The following CDH18 variants were observed in gnomAD, a reference collection of about 807,000 sequenced individuals.
CDH18 encodes cadherin-18.
CDH18 carries 31 observed loss-of-function variants against 67.9 expected under a neutral mutation model. That is an observed-to-expected ratio of 0.46 (90% CI 0.34 to 0.62). CDH18 has a LOEUF of 0.62. Among genes scored for constraint, CDH18 ranks in the 20% least tolerant of loss-of-function variants. CDH18 has a pLI of 0.01. For synonymous variants in CDH18, 362 were observed against 347.2 expected (o/e 1.04, Z -0.48); for missense variants, 890 against 975.5 (o/e 0.91, Z 1.17).
At chr5:20,448,945 G>C (rs556132249) in intron 1 of CDH18, among the ~76,000 whole-genome samples, 1 of 152,044 alleles carries the variant, frequency 6.6e-6, no homozygotes, top group South Asian at 2.1e-4. Flanking sequence ...TTGAGAACTT[G>C]AGTAAAAAGC....
At position 19,948,568 on chromosome 5, in the gene CDH18, G is replaced by A. The variant is rs572166809; in HGVS notation, c.-257+32492C>T. 1.6e-4 allele frequency among the ~76,000 whole-genome samples: 25 copies of A among 152,270 alleles called. 1 individual carries two copies. Among genetic ancestry groups the A allele is most frequent in the African/African-American group, 5.8e-4 (24 of 41,560 alleles). ...TTAGTGCAGCACAAGGGAGGCTTGT[G>A]CTAGGGCAGTTCTGCATCTTGATTG... On this transcript the variant is annotated intron_variant, in intron 2 of 12. Coordinates refer to ENST00000382275, the MANE Select transcript of CDH18 (RefSeq NM_004934.5).
At chr5:20,225,442 C>A (rs945853716) in intron 2 of CDH18, among the ~76,000 whole-genome samples, 9 of 152,094 alleles carry the variant, frequency 5.9e-5, no homozygotes, top group African/African-American at 1.9e-4. Flanking sequence ...AAGACCTTTA[C>A]GTTTAAATAA....
intron 2 of CDH18, among the ~76,000 whole-genome samples, chr5:20,046,472 T>A (rs531856672): frequency 6.6e-6 from 1 of 151,742 alleles, no homozygotes; most frequent in East Asian, 1.9e-4. Context: ...CAGAAATAGG[T>A]ATTTGAAAAA....
intron 5 of CDH18, among the ~76,000 whole-genome samples, chr5:19,658,168 T>C (rs562519670): frequency 6.6e-6 from 1 of 152,248 alleles, no homozygotes; most frequent in South Asian, 2.1e-4. Context: ...TTTTAAAATT[T>C]AGCAGCTATA....
intron 2 of CDH18, among the ~76,000 whole-genome samples, chr5:19,907,118 A>T (rs1790623846): frequency 6.6e-6 from 1 of 152,044 alleles, no homozygotes; most frequent in Admixed American, 6.6e-5. Context: ...TCTTTGTGGC[A>T]ACCATTATAT....
chr5:19,668,832 TCATC>T (rs1267995612), intron 5 of CDH18, among the ~76,000 whole-genome samples: 1 of 152,058 alleles, frequency 6.6e-6, no homozygotes, highest in Non-Finnish European at 1.5e-5. Flanking sequence ...TGTTAACACT[TCATC>T]CACAGAAACA....
rs1251256273 is a variant in CDH18 at position 20,565,591 on chromosome 5, G to A, written c.-580+9871C>T. Among the ~76,000 whole-genome samples the A allele has an allele frequency of 4.0e-5, 6 of 151,756 alleles. No individual in the cohort carries two copies. The South Asian group carries it at 8.3e-4, about 21-fold the overall frequency. Reference sequence around the variant, plus strand: ...TTAAATTGGTGCTTGAAATATTCTGGTACTCTCATCTTTACTTATTTCTTA... The same window carrying A: ...TTAAATTGGTGCTTGAAATATTCTGATACTCTCATCTTTACTTATTTCTTA... On this transcript the variant is annotated intron_variant, in intron 1 of 14. Transcript: ENST00000507958.
At chr5:20,073,660 T>C (rs1743680171) in intron 2 of CDH18, among the ~76,000 whole-genome samples, 1 of 152,052 alleles carries the variant, frequency 6.6e-6, no homozygotes, top group Non-Finnish European at 1.5e-5. Flanking sequence ...ACAGTACTAC[T>C]GGCATTGTGT....
At chr5:20,125,152 A>G (rs936280791) in intron 2 of CDH18, among the ~76,000 whole-genome samples, 1 of 152,222 alleles carries the variant, frequency 6.6e-6, no homozygotes, top group African/African-American at 2.4e-5. Context: ...CCTACAACAC[A>G]TCTGCATACA....
intron 4 of CDH18, among the ~76,000 whole-genome samples, chr5:19,734,798 T>C (rs1184829038): frequency 6.6e-6 from 1 of 152,218 alleles, no homozygotes; most frequent in Non-Finnish European, 1.5e-5. Flanking sequence ...TATCTTATTA[T>C]TGTGGTTTCT....
At chr5:19,556,913 A>G (rs912508697) in intron 8 of CDH18, among the ~76,000 whole-genome samples, 2 of 152,178 alleles carry the variant, frequency 1.3e-5, no homozygotes, top group Non-Finnish European at 1.5e-5. Context: ...TCTATAAAGG[A>G]AAACGTATCA....
intron 3 of CDH18, among the ~76,000 whole-genome samples, chr5:19,810,062 G>A (rs1778477228): frequency 6.6e-6 from 1 of 152,286 alleles, no homozygotes; most frequent in Middle Eastern, 3.4e-3. Context: ...TGGTGAGGTG[G>A]CTCCTGCCTG....
chr5:20,449,404 A>G (rs896931699), intron 1 of CDH18, among the ~76,000 whole-genome samples: 19 of 152,110 alleles, frequency 1.2e-4, no homozygotes, highest in African/African-American at 4.6e-4. Flanking sequence ...ATTTGAGAAT[A>G]TAAGACTAAA....
At chr5:20,207,079 C>T (rs1181674151) in intron 2 of CDH18, among the ~76,000 whole-genome samples, 2 of 150,784 alleles carry the variant, frequency 1.3e-5, no homozygotes, top group Non-Finnish European at 3.0e-5. Flanking sequence ...AGGCAACATG[C>T]TAATATAGAA....
intron 1 of CDH18, among the ~76,000 whole-genome samples, chr5:20,418,378 G>A (rs1747528866): frequency 6.6e-6 from 1 of 151,140 alleles, no homozygotes; most frequent in Admixed American, 6.6e-5. Context: ...ACCACGCCCG[G>A]CCAAGACTAG....
At chr5:19,639,419 A>G (rs1753718874) in intron 5 of CDH18, among the ~76,000 whole-genome samples, 1 of 152,184 alleles carries the variant, frequency 6.6e-6, no homozygotes, top group Non-Finnish European at 1.5e-5. Context: ...GCTCTACAGA[A>G]CACCCAAGCA....
intron 2 of CDH18, among the ~76,000 whole-genome samples, chr5:19,927,262 G>A (rs1238215469): frequency 1.3e-5 from 2 of 152,152 alleles, no homozygotes; most frequent in Admixed American, 6.6e-5. Context: ...CAGAGAGTAA[G>A]GACATCATTA....
intron 2 of CDH18, among the ~76,000 whole-genome samples, chr5:19,924,119 A>G (rs1300449354): frequency 1.3e-5 from 2 of 152,110 alleles, no homozygotes; most frequent in African/African-American, 4.8e-5. Context: ...TTCAACTATG[A>G]ATTTATCATA....
At chr5:20,238,217 G>T (rs888986073) in intron 2 of CDH18, among the ~76,000 whole-genome samples, 3 of 151,968 alleles carry the variant, frequency 2.0e-5, no homozygotes, top group Non-Finnish European at 2.9e-5. Context: ...GTGAAGCAAA[G>T]ATATATAAGG....
Sources: allele counts gnomAD v4.1 joint callset (sites outside exome capture counted in the v4.1 genomes callset), GRCh38; gene constraint gnomAD v4.1.1; transcripts MANE v1.5; gene names NCBI Gene and HGNC (gene_info 2026-07-23, HGNC 2026-07-21).